DYNLT2B: variants seen among roughly 807,000 people sequenced by gnomAD.
DYNLT2B encodes the protein dynein light chain Tctex-type protein 2B.
In DYNLT2B, 14 loss-of-function variants were observed where a neutral mutation model predicts 19.5. The observed-to-expected ratio is 0.72, with a 90% CI of 0.47 to 1.12. The LOEUF is 1.12. Ranked by LOEUF, DYNLT2B falls within the 50% of genes most tolerant of loss-of-function variation. The pLI is 0.00. For synonymous variants in DYNLT2B, 70 were observed against 59.7 expected (o/e 1.17, Z -0.79); for missense variants, 133 against 174.7 (o/e 0.76, Z 1.35).
At chr3:196,306,262 AAAAG>A (rs1352539685) in intron 3 of DYNLT2B, among the ~76,000 whole-genome samples, 8 of 148,706 alleles carry the variant, frequency 5.4e-5, no homozygotes, top group African/African-American at 4.9e-5. Context: ...AAAAAAAAAA[AAAAG>A]AAAGAAAGAA....
chr3:196,310,262 C>T (rs1022119599), intron 2 of DYNLT2B, among the ~76,000 whole-genome samples: 6 of 141,272 alleles, frequency 4.2e-5, no homozygotes, highest in Non-Finnish European at 7.7e-5. Context: ...CCATCACGCT[C>T]GGCTAATTTT....
chr3:196,318,211 G>C lies in DYNLT2B; in HGVS notation c.-59C>G. The C allele has an allele frequency of 9.6e-7, 1 of 1,044,334 alleles. No homozygotes were observed. The highest frequency in any genetic ancestry group is 1.3e-6 in the Non-Finnish European group (1 of 758,770). 64.7% of individuals were successfully genotyped at this position (1,044,334 alleles called of 1,614,324 possible). A position where few individuals can be genotyped will look rare whatever the true frequency, so the allele number is the denominator to read the frequency against. On this transcript the variant is annotated 5_prime_UTR_variant, in exon 1 of 5. Coordinates refer to ENST00000325318, the MANE Select transcript of DYNLT2B (RefSeq NM_152773.5). Reference sequence around the variant, plus strand: ...TGAAGGCCTAGCGGGTTGCGGTCGCGGCCGGCAGCAGGGAAAGCGTCTCCA... The same window carrying C: ...TGAAGGCCTAGCGGGTTGCGGTCGCCGCCGGCAGCAGGGAAAGCGTCTCCA...
Position 196,306,896 on chromosome 3 carries a change from T to A in DYNLT2B, c.317+47A>T, listed in dbSNP as rs373629724. 7.8e-6 allele frequency: 12 copies of A among 1,541,070 alleles called. 1 individual carries two copies. The highest frequency in any genetic ancestry group is 1.7e-4 in the Middle Eastern group (1 of 5,948). On this transcript the variant is annotated intron_variant, in intron 3 of 4. Transcript: ENST00000325318. ...AATTGTCCAAAGGACAGATACCTCA[T>A]AAGAAATATAGATGACTAAAACAAG... is the stretch of plus-strand genomic sequence containing the variant.
At chr3:196,315,646 G>A (rs1397251021) in intron 2 of DYNLT2B, among the ~76,000 whole-genome samples, 1 of 151,960 alleles carries the variant, frequency 6.6e-6, no homozygotes, top group East Asian at 2.0e-4. Flanking sequence ...GCCGAGGCGG[G>A]TGGATTACCT....
Position 196,317,021 on chromosome 3 carries a change from A to AGTGT in DYNLT2B, c.114-794_114-791dup, listed in dbSNP as rs113141859. On this transcript the variant is annotated intron_variant, in intron 1 of 4. Coordinates refer to ENST00000325318, the MANE Select transcript of DYNLT2B (RefSeq NM_152773.5). The stretch of plus-strand genomic sequence containing the variant: ...GGCCCGTGAGCCTGACATTTTTTTC[A>AGTGT]GTGTGTGTGTGTGTGTGTGTGTGTT... Among the ~76,000 whole-genome samples, 28 of 45,948 alleles carry AGTGT rather than the reference A, an allele frequency of 6.1e-4. No homozygotes were observed. In the South Asian group the frequency reaches 6.4e-3, roughly 11 times the overall value. 30.1% of individuals were successfully genotyped at this position (45,948 alleles called of 152,430 possible).
intron 3 of DYNLT2B, chr3:196,298,154 C>A: frequency 2.7e-6 from 1 of 364,694 alleles, no homozygotes; most frequent in South Asian, 2.4e-5. Flanking sequence ...GAGAATGGGA[C>A]GATTTGGCTT....
intron 3 of DYNLT2B, chr3:196,305,745 G>C (rs919190189): frequency 1.2e-4 from 19 of 152,822 alleles, no homozygotes; most frequent in Admixed American, 3.3e-4. Flanking sequence ...AGGTTGCAGT[G>C]AGCCGAGATC....
chr3:196,296,125 C>T (rs965981707), intron 3 of DYNLT2B, 56 bp from the exon 4 acceptor site: 12 of 1,422,366 alleles, frequency 8.4e-6, no homozygotes, highest in Admixed American at 3.4e-5. Flanking sequence ...CTAAACGACA[C>T]ATATCTGCCA....
chr3:196,317,056 G>GTGTGTGT (rs1726846323), intron 1 of DYNLT2B, among the ~76,000 whole-genome samples: 1 of 91,966 alleles, frequency 1.1e-5, no homozygotes, highest in Non-Finnish European at 2.0e-5. Context: ...TGTGTGGTGT[G>GTGTGTGT]TGTGTGGTGT....
At chr3:196,314,685 G>A (rs1032919624) in intron 2 of DYNLT2B, among the ~76,000 whole-genome samples, 6 of 151,656 alleles carry the variant, frequency 4.0e-5, no homozygotes, top group East Asian at 1.9e-4. Flanking sequence ...AGCCAAGCAC[G>A]GTGGCACAAG....
At chr3:196,316,562 CAAAATAAAAT>C (rs755010501) in intron 1 of DYNLT2B, among the ~76,000 whole-genome samples, 7 of 151,670 alleles carry the variant, frequency 4.6e-5, no homozygotes, top group South Asian at 2.1e-4. Flanking sequence ...CACGCTTTCA[CAAAATAAAAT>C]AAAATAAAAT....
intron 3 of DYNLT2B, among the ~76,000 whole-genome samples, chr3:196,306,187 G>A (rs954647841): frequency 9.4e-5 from 14 of 149,672 alleles, no homozygotes; most frequent in African/African-American, 3.4e-4. Flanking sequence ...CAAGGCTGGT[G>A]AATTGCCTGA....
At chr3:196,298,300 G>A (rs1400272754) in intron 3 of DYNLT2B, 2 of 157,928 alleles carry the variant, frequency 1.3e-5, no homozygotes, top group Non-Finnish European at 2.8e-5. Flanking sequence ...GACCCCAATT[G>A]TTTTATTTAT....
At chr3:196,314,192 A>T (rs1011067069) in intron 2 of DYNLT2B, among the ~76,000 whole-genome samples, 6 of 151,904 alleles carry the variant, frequency 3.9e-5, no homozygotes, top group Admixed American at 1.3e-4. Flanking sequence ...TCTTCAAAAA[A>T]TGATGTCTTC....
intron 3 of DYNLT2B, among the ~76,000 whole-genome samples, chr3:196,303,831 A>C (rs1726415685): frequency 1.3e-5 from 2 of 152,184 alleles, no homozygotes; most frequent in Admixed American, 1.3e-4. Context: ...TTGTTTCATT[A>C]ATTATAATAA....
Position 196,301,576 on chromosome 3 carries a change from G to A in DYNLT2B, c.317+5367C>T, listed in dbSNP as rs367579739. ...AAAAATACAAAAACTAGGCGGGTGT[G>A]GTGGTGGGCACCAGTAATCCCAATT... On this transcript the variant is annotated intron_variant, in intron 3 of 4. Coordinates refer to ENST00000325318, the MANE Select transcript of DYNLT2B (RefSeq NM_152773.5). Among the ~76,000 whole-genome samples, 8 of 152,158 alleles carry A rather than the reference G, an allele frequency of 5.3e-5. No individual in the cohort carries two copies. In the East Asian group the frequency reaches 1.2e-3, roughly 22 times the overall value.
At chr3:196,293,708 A>G (rs1465465275) in intron 4 of DYNLT2B, among the ~76,000 whole-genome samples, 3 of 141,948 alleles carry the variant, frequency 2.1e-5, no homozygotes, top group African/African-American at 7.8e-5. Context: ...ACAGTGGCAC[A>G]ATCTCGCCTC....
At chr3:196,310,077 T>C (rs1726594579) in intron 2 of DYNLT2B, among the ~76,000 whole-genome samples, 1 of 151,620 alleles carries the variant, frequency 6.6e-6, no homozygotes, top group African/African-American at 2.4e-5. Flanking sequence ...CTCAATGAAA[T>C]AAGTACTCAA....
At chr3:196,316,890 AGTGT>A (rs377469506) in intron 1 of DYNLT2B, among the ~76,000 whole-genome samples, 5 of 74,196 alleles carry the variant, frequency 6.7e-5, no homozygotes, top group Admixed American at 1.4e-4. Context: ...CATTTTTTTC[AGTGT>A]GTGTGTGTGT....
Sources: allele counts gnomAD v4.1 joint callset (sites outside exome capture counted in the v4.1 genomes callset), GRCh38; gene constraint gnomAD v4.1.1; transcripts MANE v1.5; gene names NCBI Gene and HGNC (gene_info 2026-07-23, HGNC 2026-07-21).